Variants in PVALB observed in about 807,000 individuals in gnomAD.
PVALB encodes the protein parvalbumin alpha.
In PVALB, 11 loss-of-function variants were observed where a neutral mutation model predicts 10.9. That is an observed-to-expected ratio of 1.01 (90% confidence interval 0.63 to 1.67). The LOEUF is 1.67. Ranked by LOEUF, PVALB falls within the 40% of genes most tolerant of loss-of-function variation. The pLI, the probability that PVALB is intolerant of heterozygous loss-of-function variation, is 0.00. For synonymous variants in PVALB, 57 were observed against 50.7 expected (o/e 1.12, Z -0.53); for missense variants, 131 against 136.2 (o/e 0.96, Z 0.19).
intron 2 of PVALB, among the ~76,000 whole-genome samples, chr22:36,814,307 A>G (rs186112730): frequency 2.8e-5 from 4 of 143,576 alleles, no homozygotes; most frequent in Middle Eastern, 3.4e-3. Context: ...GTGTGTGTGC[A>G]TAAGTGTGCA....
chr22:36,805,832 C>T (rs917383027), intron 3 of PVALB, among the ~76,000 whole-genome samples: 2 of 151,966 alleles, frequency 1.3e-5, no homozygotes, highest in East Asian at 1.9e-4. Flanking sequence ...ACATTAACTA[C>T]GAAAGTCCTG....
intron 3 of PVALB, among the ~76,000 whole-genome samples, chr22:36,803,742 C>T (rs1938909114): frequency 6.6e-6 from 1 of 151,934 alleles, no homozygotes; most frequent in Non-Finnish European, 1.5e-5. Flanking sequence ...GATGGGATAG[C>T]TCACGAGTCC....
intron 3 of PVALB, among the ~76,000 whole-genome samples, chr22:36,806,123 A>T (rs1251066474): frequency 3.3e-5 from 5 of 152,218 alleles, no homozygotes; most frequent in Non-Finnish European, 7.3e-5. Flanking sequence ...ATGCGACTAA[A>T]TCAACTCTTA....
At position 36,816,946 on chromosome 22, in the gene PVALB, G is replaced by T; in HGVS notation, c.60C>A (p.Ser20Arg). Reference protein sequence around the residue: ...EDIKKAVGAFSATDSFDHKKF... With the variant: ...EDIKKAVGAFRATDSFDHKKF... ...GGGGAGGGGAGCGCGCTTGCTCACC[G>T]CTAAAGGCTCCCACCGCCTTCTTGA... The change falls in exon 1 of 4, where the codon AGC (serine) becomes AGA (arginine). Residue 20 changes from serine (S) to arginine (R), a missense_variant and splice_region_variant. By Grantham distance (110) the Ser-to-Arg change is moderately radical. Coordinates refer to ENST00000417718, the MANE Select transcript of PVALB (RefSeq NM_001315532.2). 1 of 1,605,974 alleles carries T rather than the reference G, an allele frequency of 6.2e-7. No individual in the cohort carries two copies. Among genetic ancestry groups the T allele is most frequent in the Non-Finnish European group, 8.5e-7 (1 of 1,177,896 alleles).
intron 1 of PVALB, chr22:36,816,251 C>T (rs1939137046): frequency 6.6e-6 from 1 of 152,258 alleles, no homozygotes; most frequent in Admixed American, 6.5e-5. Context: ...CCTGATTTCC[C>T]CATCTGGAGG....
In PVALB at chr22:36,809,201, C is replaced by T. The variant is rs916303520; in HGVS notation, c.304+4445G>A. 3.9e-5 allele frequency among the ~76,000 whole-genome samples: 6 copies of T among 152,324 alleles called. 1 individual carries two copies. The highest frequency in any genetic ancestry group is 2.0e-4 in the Admixed American group (3 of 15,302). On this transcript the variant is annotated intron_variant, in intron 3 of 3. Coordinates refer to ENST00000417718, the MANE Select transcript of PVALB (RefSeq NM_001315532.2). ...CTTGCAGATCATCTCCCACTACATA[C>T]AGCAGTTATGATCCTCATCACTGCA...
intron 3 of PVALB, among the ~76,000 whole-genome samples, chr22:36,805,509 T>C (rs1020262396): frequency 6.6e-6 from 1 of 152,196 alleles, no homozygotes; most frequent in African/African-American, 2.4e-5. Flanking sequence ...CTTGTTGCCA[T>C]TGTTTGTCTC....
At chr22:36,814,387 G>C (rs373814158) in intron 2 of PVALB, among the ~76,000 whole-genome samples, 4 of 152,160 alleles carry the variant, frequency 2.6e-5, no homozygotes, top group Non-Finnish European at 4.4e-5. Context: ...GATGGTTTAG[G>C]GGAGAGACAG....
intron 1 of PVALB, chr22:36,816,553 G>A (rs1939141589): frequency 4.6e-6 from 1 of 216,392 alleles, no homozygotes; most frequent in Admixed American, 5.8e-5. Context: ...GGGTCTCTTG[G>A]AGAGGAGGAT....
At chr22:36,802,826 T>A (rs2145944800) in intron 3 of PVALB, among the ~76,000 whole-genome samples, 1 of 152,104 alleles carries the variant, frequency 6.6e-6, no homozygotes, top group South Asian at 2.1e-4. Context: ...TTTTGAAATC[T>A]CCAGGCTCTC....
upstream of PVALB, among the ~76,000 whole-genome samples, chr22:36,817,706 GTTTTACTTTTATT>G (rs1478666539): frequency 2.0e-5 from 3 of 152,190 alleles, no homozygotes; most frequent in African/African-American, 7.2e-5. Flanking sequence ...CTGATTTGAT[GTTTTACTTTTATT>G]TTTTATTTTT....
At position 36,800,778 on chromosome 22, in the gene PVALB, G is replaced by T; in HGVS notation, c.*112C>A. 1 of 1,181,922 alleles carries T rather than the reference G, an allele frequency of 8.5e-7. No individual in the cohort carries two copies. The highest frequency in any genetic ancestry group is 1.3e-6 in the Non-Finnish European group (1 of 787,456). The allele number at this position is 1,181,922 out of a possible 1,614,324, so 73.2% of individuals were successfully genotyped here. ...TCATTAGAGGGCCACAGGGGATGGGGGAGTAAAAAATAACATAAACGAACT... is the reference window on the plus strand; with the variant it reads ...TCATTAGAGGGCCACAGGGGATGGGTGAGTAAAAAATAACATAAACGAACT... On this transcript the variant is annotated 3_prime_UTR_variant, in exon 4 of 4. Coordinates refer to ENST00000417718, the MANE Select transcript of PVALB (RefSeq NM_001315532.2).
intron 3 of PVALB, among the ~76,000 whole-genome samples, chr22:36,806,294 C>T (rs903975992): frequency 2.0e-5 from 3 of 151,990 alleles, no homozygotes; most frequent in Non-Finnish European, 4.4e-5. Context: ...CAGAAAGCGA[C>T]AAAGGAGGTA....
intron 1 of PVALB, chr22:36,815,470 C>T (rs1256262830): frequency 1.8e-6 from 1 of 549,146 alleles, no homozygotes. Context: ...CCCTGGCTCT[C>T]AAGCCCGCCC....
intron 3 of PVALB, among the ~76,000 whole-genome samples, chr22:36,808,792 T>C (rs905212836): frequency 2.6e-5 from 4 of 152,212 alleles, no homozygotes; most frequent in Non-Finnish European, 5.9e-5. Context: ...TTTTTATGCC[T>C]GGGCTTTGCA....
chr22:36,815,278 G>T, intron 1 of PVALB, 43 bp from the exon 2 acceptor site: 3 of 1,612,136 alleles, frequency 1.9e-6, no homozygotes, highest in Non-Finnish European at 2.5e-6. Flanking sequence ...CAGAAAGGCT[G>T]GTAGGGAAGC....
intron 3 of PVALB, among the ~76,000 whole-genome samples, chr22:36,803,946 G>A (rs573172313): frequency 1.3e-5 from 2 of 152,320 alleles, no homozygotes; most frequent in South Asian, 2.1e-4. Flanking sequence ...GGCTACTCCT[G>A]AGAGGGCTAG....
At chr22:36,806,507 C>T (rs896767116) in intron 3 of PVALB, among the ~76,000 whole-genome samples, 1 of 152,138 alleles carries the variant, frequency 6.6e-6, no homozygotes, top group Admixed American at 6.5e-5. Flanking sequence ...ACTGAGCCGG[C>T]CATTGAGTCA....
intron 3 of PVALB, among the ~76,000 whole-genome samples, chr22:36,808,502 C>T (rs1320684786): frequency 6.6e-6 from 1 of 152,172 alleles, no homozygotes; most frequent in Non-Finnish European, 1.5e-5. Flanking sequence ...AGTTTCTCCA[C>T]TTGCAAAATG....
Sources: allele counts gnomAD v4.1 joint callset (sites outside exome capture counted in the v4.1 genomes callset), GRCh38; gene constraint gnomAD v4.1.1; transcripts MANE v1.5; gene names NCBI Gene and HGNC (gene_info 2026-07-23, HGNC 2026-07-21).